DAPK3: variants seen among roughly 807,000 people sequenced by gnomAD.
The protein encoded by DAPK3 is death associated protein kinase 3.
A neutral mutation model predicts 30.6 loss-of-function variants in DAPK3; 24 were observed. The ratio of observed to expected loss-of-function variants is 0.78; its 90% CI spans 0.57 to 1.10. The LOEUF is 1.10. Ranked by LOEUF, DAPK3 falls within the 50% of genes least tolerant of loss-of-function variation. The pLI is 0.00. For synonymous variants in DAPK3, 341 were observed against 284.0 expected (o/e 1.20, Z -2.02); for missense variants, 629 against 657.3 (o/e 0.96, Z 0.47).
At chr19:3,961,413 C>G (rs748521837) in intron 6 of DAPK3, 1 of 637,382 alleles carries the variant, frequency 1.6e-6, no homozygotes, top group Non-Finnish European at 3.1e-6. Context: ...CTTGGAGACT[C>G]GAAGTATCTG....
At position 3,969,750 on chromosome 19, in the gene DAPK3, C is replaced by CATG; in HGVS notation, c.-16_-15insCAT. On this transcript the variant is annotated 5_prime_UTR_variant, in exon 2 of 9. It adds an upstream start codon to the 5' untranslated region. Transcript: ENST00000545797. ...AACGTGGACATGGCGGCCGGTCCGC[C>CATG]TTCCAGCAGCTTCCACTCCAGGGAA... 6.2e-7 allele frequency: 1 copy of CATG among 1,600,282 alleles called. No homozygotes were observed. Among genetic ancestry groups the CATG allele is most frequent in the Non-Finnish European group, 8.5e-7 (1 of 1,170,460 alleles).
At chr19:3,966,501 GC>G (rs1306418340) in intron 2 of DAPK3, among the ~76,000 whole-genome samples, 1 of 152,204 alleles carries the variant, frequency 6.6e-6, no homozygotes, top group East Asian at 1.9e-4. Flanking sequence ...TTGGATCCAG[GC>G]TCGCGGCAGG....
intron 2 of DAPK3, among the ~76,000 whole-genome samples, chr19:3,967,161 G>A (rs1227034521): frequency 6.6e-6 from 1 of 152,190 alleles, no homozygotes; most frequent in East Asian, 1.9e-4. Flanking sequence ...TAAAAATGCG[G>A]GCTGGGAAGC....
At position 3,963,854 on chromosome 19, in the gene DAPK3, G is replaced by T; in HGVS notation, c.602+17C>A. The T allele has an allele frequency of 1.3e-6, 2 of 1,543,778 alleles. No individual in the cohort carries two copies. Among genetic ancestry groups the T allele is most frequent in the Non-Finnish European group, 1.8e-6 (2 of 1,119,458 alleles). On this transcript the variant is annotated intron_variant, in intron 5 of 8. Coordinates refer to ENST00000545797, the MANE Select transcript of DAPK3 (RefSeq NM_001348.3). ...AGGAATGCAGGGAGGCCCGGTGGGA[G>T]CAGGTGGTACACTCACCACATGTCC...
intron 6 of DAPK3, among the ~76,000 whole-genome samples, chr19:3,962,247 G>A (rs2039524489): frequency 6.6e-6 from 1 of 152,264 alleles, no homozygotes; most frequent in Non-Finnish European, 1.5e-5. Flanking sequence ...ACTGAAGGAG[G>A]AGGAAGCTGC....
intron 6 of DAPK3, chr19:3,961,436 GC>G (rs758718359): frequency 5.1e-6 from 3 of 591,686 alleles, no homozygotes; most frequent in South Asian, 4.2e-5. Flanking sequence ...CAGACGCAGA[GC>G]CCGAAAGCCC....
At chr19:3,968,636 C>T (rs1458506318) in intron 2 of DAPK3, among the ~76,000 whole-genome samples, 1 of 152,110 alleles carries the variant, frequency 6.6e-6, no homozygotes, top group Non-Finnish European at 1.5e-5. Context: ...TTTTGCCAAA[C>T]GACCCCTAGC....
At chr19:3,962,787 CAA>C (rs35117218) in intron 6 of DAPK3, among the ~76,000 whole-genome samples, 8 of 68,084 alleles carry the variant, frequency 1.2e-4, no homozygotes, top group Non-Finnish European at 1.5e-4. Context: ...AACTCTGTCT[CAA>C]AAAAAAAAAA....
intron 5 of DAPK3, 78 bp downstream of exon 5, chr19:3,963,793 C>A: frequency 1.6e-6 from 2 of 1,239,672 alleles, no homozygotes; most frequent in Admixed American, 1.9e-5. Flanking sequence ...AGCAAGGCCC[C>A]GCTTCATCCC....
intron 8 of DAPK3, 53 bp downstream of exon 8, chr19:3,960,006 A>AGCGAGAAGGCCAAG (rs750214364): frequency 7.0e-6 from 7 of 1,003,354 alleles, no homozygotes; most frequent in Non-Finnish European, 1.1e-5. Flanking sequence ...CCGGGACCCC[A>AGCGAGAAGGCCAAG]GCGAGAAGGC....
Position 3,964,702 on chromosome 19 carries a change from G to A in DAPK3, c.352C>T (p.Gln118Ter). Reference sequence around the variant, plus strand: ...CCGTCCAGGATCTGCTTGAGGAACTGGGTGGCCTCGTCCTCCGTCAGCGAC... The same window carrying A: ...CCGTCCAGGATCTGCTTGAGGAACTAGGTGGCCTCGTCCTCCGTCAGCGAC... ...KESLTEDEAT[Q>*]FLKQILDGVH... is the part of the protein sequence containing the mutation. Residue 118 changes from glutamine to a stop codon, truncating the protein, a stop_gained, in exon 3 of 9, where the codon CAG becomes TAG. Transcript: ENST00000545797. LOFTEE classifies it high-confidence loss of function. 1 of 1,612,212 alleles carries A rather than the reference G, an allele frequency of 6.2e-7. No homozygotes were observed. Among genetic ancestry groups the A allele is most frequent in the Non-Finnish European group, 8.5e-7 (1 of 1,179,296 alleles).
At chr19:3,966,047 G>C (rs1434800074) in intron 2 of DAPK3, among the ~76,000 whole-genome samples, 7 of 152,070 alleles carry the variant, frequency 4.6e-5, no homozygotes. Flanking sequence ...CCCACCCCAA[G>C]TGTTGGCAGT....
In DAPK3 at chr19:3,971,054, C is replaced by T; in HGVS notation, c.-228G>A. The T allele has an allele frequency of 6.5e-6, 1 of 154,288 alleles. No individual in the cohort carries two copies. Among genetic ancestry groups the T allele is most frequent in the Non-Finnish European group, 1.4e-5 (1 of 69,220 alleles). The allele number at this position is 154,288 out of a possible 1,614,324, so 9.6% of individuals were successfully genotyped here. ...AGCCCGGAGAATACGGCCGGCGCCGCCGCGCTGGCCACCGCCGCCGCCTCC... is the reference window on the plus strand; with the variant it reads ...AGCCCGGAGAATACGGCCGGCGCCGTCGCGCTGGCCACCGCCGCCGCCTCC... On this transcript the variant is annotated 5_prime_UTR_variant, in exon 1 of 9. Coordinates refer to ENST00000545797, the MANE Select transcript of DAPK3 (RefSeq NM_001348.3).
intron 6 of DAPK3, among the ~76,000 whole-genome samples, chr19:3,962,202 G>A (rs573785084): frequency 5.8e-4 from 89 of 152,296 alleles, no homozygotes; most frequent in African/African-American, 2.0e-3. Context: ...CTAACGTCTT[G>A]GTGTTCATAA....
Position 3,963,642 on chromosome 19 carries a change from C to A in DAPK3, c.629+1G>T. The A allele has an allele frequency of 2.0e-6, 3 of 1,525,238 alleles. No homozygotes were observed. The highest frequency in any genetic ancestry group is 2.4e-5 in the Admixed American group (1 of 41,202). The allele number at this position is 1,525,238 out of a possible 1,614,324, so 94.5% of individuals were successfully genotyped here. A position where few individuals can be genotyped will look rare whatever the true frequency, so the allele number is the denominator to read the frequency against. On this transcript the variant is annotated splice_donor_variant, in intron 6 of 8. Coordinates refer to ENST00000545797, the MANE Select transcript of DAPK3 (RefSeq NM_001348.3). LOFTEE classifies it high-confidence loss of function. ...CGAGGGGGCCCCCGCCAGGTACTCA[C>A]AGGATATAGGTGATGACACCGATGC... is the stretch of plus-strand genomic sequence containing the variant.
chr19:3,963,816 T>C, intron 5 of DAPK3, 55 bp downstream of exon 5: 1 of 1,301,028 alleles, frequency 7.7e-7, no homozygotes, highest in Non-Finnish European at 1.1e-6. Flanking sequence ...GCTGCAGCAC[T>C]GGCCTGCGCT....
Position 3,959,188 on chromosome 19 carries a change from T to C in DAPK3, c.1278A>G (p.Gln426=), listed in dbSNP as rs77999895. The C allele has an allele frequency of 1.5e-4, 243 of 1,599,172 alleles. 2 individuals are homozygous for C. The African/African-American group carries it at 2.7e-3, about 18-fold the overall frequency. The change falls in exon 9 of 9, where the codon CAA becomes CAG. Residue 426 remains glutamine (Q), a synonymous_variant. Coordinates refer to ENST00000545797, the MANE Select transcript of DAPK3 (RefSeq NM_001348.3). ...GCACGAAGCGCATCTCGGAGGCTAC[T>C]TGCTTGGCCAGCGCCTCGTAGCGGT... is the stretch of plus-strand genomic sequence containing the variant. The part of the protein sequence containing the change: ...LENRYEALAK[Q]VASEMRFVQD...
At chr19:3,963,330 C>T (rs964636442) in intron 6 of DAPK3, among the ~76,000 whole-genome samples, 8 of 152,132 alleles carry the variant, frequency 5.3e-5, no homozygotes, top group African/African-American at 1.7e-4. Context: ...CAAAACCCAG[C>T]GTGGGGTCGG....
At chr19:3,964,394 G>T in intron 3 of DAPK3, 21 bp from the exon 4 acceptor site, 1 of 1,605,632 alleles carries the variant, frequency 6.2e-7, no homozygotes. Context: ...AGGAGGCTCA[G>T]CAGGGAAAGC....
Sources: allele counts gnomAD v4.1 joint callset (sites outside exome capture counted in the v4.1 genomes callset), GRCh38; gene constraint gnomAD v4.1.1; transcripts MANE v1.5; gene names NCBI Gene and HGNC (gene_info 2026-07-23, HGNC 2026-07-21).